Variants in GABRA2 observed in about 807,000 individuals in gnomAD.
GABRA2 encodes gamma-aminobutyric acid receptor subunit alpha-2.
In GABRA2, 16 loss-of-function variants were observed where a neutral mutation model predicts 48.7. That is an observed-to-expected ratio of 0.33 (90% CI 0.22 to 0.50). The LOEUF is 0.50. GABRA2 is among the 20% of genes least tolerant of loss of function. GABRA2 has a pLI of 0.98. For missense variants in GABRA2, 275 were observed against 535.6 expected, an observed-to-expected ratio of 0.51 and a Z score of 4.80; for synonymous variants, 185 against 184.5, an observed-to-expected ratio of 1.00 and a Z score of -0.02.
intron 3 of GABRA2, among the ~76,000 whole-genome samples, chr4:46,352,647 C>G (rs930122183): frequency 6.6e-6 from 1 of 152,074 alleles, no homozygotes; most frequent in Non-Finnish European, 1.5e-5. Context: ...AAATTTTAGA[C>G]AGACCCTTTG....
At chr4:46,389,351 C>G (rs1265510127) in intron 1 of GABRA2, 1 of 985,298 alleles carries the variant, frequency 1.0e-6, no homozygotes, top group Non-Finnish European at 1.2e-6. Context: ...CAGCCGGGTT[C>G]CGATCAAGTG....
Position 46,390,045 on chromosome 4 carries a change from G to C in GABRA2, c.-321C>G. ...AGGAGGAGGGGGAAAACGATGACAGGAGCTGGGGCCGGGGGGGGAAATTGG... is the reference window on the plus strand; with the variant it reads ...AGGAGGAGGGGGAAAACGATGACAGCAGCTGGGGCCGGGGGGGGAAATTGG... On this transcript the variant is annotated 5_prime_UTR_variant, in exon 1 of 10. Transcript: ENST00000381620. 4.2e-6 allele frequency: 1 copy of C among 237,780 alleles called. No homozygotes were observed. Among genetic ancestry groups the C allele is most frequent in the East Asian group, 2.8e-4 (1 of 3,538 alleles). The allele number at this position is 237,780 out of a possible 1,614,324, so 14.7% of individuals were successfully genotyped here.
chr4:46,273,890 G>C (rs1054067367), intron 8 of GABRA2, among the ~76,000 whole-genome samples: 2 of 152,044 alleles, frequency 1.3e-5, no homozygotes, highest in African/African-American at 4.8e-5. Context: ...TTAAGGGCAT[G>C]TTCCCGAGTT....
intron 4 of GABRA2, among the ~76,000 whole-genome samples, chr4:46,321,810 A>G (rs1227163928): frequency 2.0e-5 from 3 of 151,996 alleles, no homozygotes; most frequent in African/African-American, 7.2e-5. Context: ...CCCATACTCA[A>G]CAAAAGGGTG....
intron 3 of GABRA2, among the ~76,000 whole-genome samples, chr4:46,336,167 A>T (rs1185589672): frequency 2.0e-5 from 3 of 152,172 alleles, no homozygotes; most frequent in Non-Finnish European, 4.4e-5. Context: ...ATGTTTGAAC[A>T]AATTATTTCT....
chr4:46,340,902 AG>A (rs766029124), intron 3 of GABRA2, among the ~76,000 whole-genome samples: 2 of 151,860 alleles, frequency 1.3e-5, no homozygotes, highest in Non-Finnish European at 2.9e-5. Flanking sequence ...TAGGTCTTTA[AG>A]GCTGTATTCG....
At chr4:46,364,292 G>A (rs1357842955) in intron 3 of GABRA2, 3 of 152,216 alleles carry the variant, frequency 2.0e-5, no homozygotes, top group Non-Finnish European at 4.4e-5. Context: ...GATGGTAGGT[G>A]TAAAGTACAC....
intron 8 of GABRA2, among the ~76,000 whole-genome samples, chr4:46,295,723 C>T (rs913906419): frequency 9.9e-5 from 15 of 152,204 alleles, no homozygotes; most frequent in Admixed American, 4.6e-4. Context: ...CACCATTCCT[C>T]GGGGTGATCA....
At chr4:46,337,194 C>T (rs1732394515) in intron 3 of GABRA2, among the ~76,000 whole-genome samples, 2 of 152,082 alleles carry the variant, frequency 1.3e-5, no homozygotes, top group South Asian at 4.2e-4. Flanking sequence ...TGCAACCAAA[C>T]CAAAAAGACA....
chr4:46,384,153 C>G (rs923793071), intron 3 of GABRA2, among the ~76,000 whole-genome samples: 2 of 152,120 alleles, frequency 1.3e-5, no homozygotes, highest in African/African-American at 4.8e-5. Flanking sequence ...CTAGACCTGT[C>G]TGCCTCCAAG....
intron 3 of GABRA2, chr4:46,367,847 T>A (rs1049877381): frequency 6.6e-6 from 1 of 152,154 alleles, no homozygotes; most frequent in African/African-American, 2.4e-5. Flanking sequence ...GTTATTAAGT[T>A]ACTTGCAAAA....
chr4:46,382,541 G>A (rs1716902037), intron 3 of GABRA2, among the ~76,000 whole-genome samples: 1 of 152,102 alleles, frequency 6.6e-6, no homozygotes, highest in Non-Finnish European at 1.5e-5. Context: ...CTTTTATTCT[G>A]AATGACTAGG....
chr4:46,312,820 AT>A, intron 4 of GABRA2, 104 bp from the exon 5 acceptor site: 1 of 623,758 alleles, frequency 1.6e-6, no homozygotes, highest in South Asian at 2.2e-5. Context: ...AGAGAGAGCT[AT>A]ATTGAAAGGA....
At chr4:46,315,867 G>A (rs73131396) in intron 4 of GABRA2, among the ~76,000 whole-genome samples, 14,965 of 151,376 alleles carry the variant, frequency 0.099, 2,482 homozygotes, top group African/African-American at 0.34. Flanking sequence ...CAGCCCCCTA[G>A]TCTCTGAGGA....
At chr4:46,261,361 G>A (rs1716936888) in intron 9 of GABRA2, 1 of 153,046 alleles carries the variant, frequency 6.5e-6, no homozygotes, top group East Asian at 1.9e-4. Context: ...AATGCTATCC[G>A]GGCTTTTACA....
rs1713766361 is a variant in GABRA2 at position 46,246,648 on chromosome 4, G to A, written c.*3660C>T. ...TCATATGATAAAAAATTTGGTCATTGCTTCAAAAACATGCAGATGAATGTC... is the reference window on the plus strand; with the variant it reads ...TCATATGATAAAAAATTTGGTCATTACTTCAAAAACATGCAGATGAATGTC... On this transcript the variant is annotated 3_prime_UTR_variant, in exon 10 of 10. Transcript: ENST00000381620. 6.6e-6 allele frequency among the ~76,000 whole-genome samples: 1 copy of A among 151,186 alleles called. No individual in the cohort carries two copies.
intron 8 of GABRA2, among the ~76,000 whole-genome samples, chr4:46,272,317 GCTT>G (rs1719493948): frequency 6.6e-6 from 1 of 151,944 alleles, no homozygotes; most frequent in Non-Finnish European, 1.5e-5. Context: ...TGAGGGTAGT[GCTT>G]CATTTGTTTT....
intron 8 of GABRA2, among the ~76,000 whole-genome samples, chr4:46,287,831 A>G (rs1430774341): frequency 7.9e-5 from 12 of 152,136 alleles, no homozygotes. Context: ...GTATTTGTCT[A>G]TTTTCACACT....
At chr4:46,251,581 CA>C (rs1714765944) in intron 9 of GABRA2, among the ~76,000 whole-genome samples, 1 of 151,376 alleles carries the variant, frequency 6.6e-6, no homozygotes, top group African/African-American at 2.4e-5. Context: ...ACATGAACAC[CA>C]ATTCTTTCTC....
Sources: gnomAD v4.1 joint callset for allele counts (sites outside exome capture counted in the v4.1 genomes callset) on GRCh38, gnomAD v4.1.1 for gene constraint, MANE v1.5 for transcripts, NCBI Gene and HGNC (gene_info 2026-07-23, HGNC 2026-07-21) for gene names.